The following CA14 variants were observed in gnomAD, a reference collection of about 807,000 sequenced individuals.
CA14 encodes carbonic anhydrase 14.
CA14 carries 44 observed loss-of-function variants against 48.8 expected under a neutral mutation model. That is an observed-to-expected ratio of 0.90 (90% CI 0.71 to 1.16). The LOEUF (loss-of-function observed/expected upper bound fraction) is 1.16. Ranked by LOEUF, CA14 falls within the 50% of genes most tolerant of loss-of-function variation. The probability of loss-of-function intolerance (pLI) is 0.00; values close to 1 mark genes in which losing one functional copy is unlikely to be tolerated. For missense variants in CA14, 386 were observed against 401.0 expected (o/e 0.96, Z 0.32); for synonymous variants, 154 against 155.0 (o/e 0.99, Z 0.05).
Position 150,262,851 on chromosome 1 carries a change from G to C in CA14, c.543G>C (p.Leu181Phe). ...CTTATGAACACATTCTGAGTCACTTGCATGAAGTCAGGCATAAAGGTGAGC... is the reference window on the plus strand; with the variant it reads ...CTTATGAACACATTCTGAGTCACTTCCATGAAGTCAGGCATAAAGGTGAGC... ...NIAYEHILSH[L>F]HEVRHKDQKT... The change falls in exon 6 of 11, where the codon TTG becomes TTC. Residue 181 changes from leucine (L) to phenylalanine (F), a missense_variant. By Grantham distance (22) the Leu-to-Phe change is conservative. Transcript: ENST00000369111. 1 of 1,613,026 alleles carries C rather than the reference G, an allele frequency of 6.2e-7. No homozygotes were observed. The highest frequency in any genetic ancestry group is 8.5e-7 in the Non-Finnish European group (1 of 1,179,004).
In CA14 at chr1:150,264,696, C is replaced by G. The variant is rs1553849072; in HGVS notation, c.*37C>G. 1 of 1,564,550 alleles carries G rather than the reference C, an allele frequency of 6.4e-7. No individual in the cohort carries two copies. Among genetic ancestry groups the G allele is most frequent in the African/African-American group, 1.4e-5 (1 of 73,750 alleles). On this transcript the variant is annotated 3_prime_UTR_variant, in exon 11 of 11. Transcript: ENST00000369111. Reference sequence around the variant, plus strand: ...GATACCATGGATGTGGATGACTTCCCTTCATGCCTATCAGGAAGCCTCTAA... The same window carrying G: ...GATACCATGGATGTGGATGACTTCCGTTCATGCCTATCAGGAAGCCTCTAA...
At position 150,260,754 on chromosome 1, in the gene CA14, AT is replaced by A. The variant is rs1650954664; in HGVS notation, c.76+606del. The A allele has an allele frequency of 2.8e-4, 38 of 136,340 alleles. 2 individuals carry two copies. The highest frequency in any genetic ancestry group is 8.4e-4 in the South Asian group (4 of 4,742). 8.4% of individuals were successfully genotyped at this position (136,340 alleles called of 1,614,324 possible). ...CCAGGAGACCGTATCTCTCTAGGTT[AT>A]TTTTTTTTTTTTTTTTTTTTTTGAC... On this transcript the variant is annotated intron_variant, in intron 2 of 10. Transcript: ENST00000369111.
rs375722927 is a variant in CA14 at position 150,263,076 on chromosome 1, A to T, written c.597A>T (p.Arg199Ser). Reference protein sequence around the residue: ...QKTSVPPFNLRELLPKQLGQY... With the variant: ...QKTSVPPFNLSELLPKQLGQY... Reference sequence around the variant, plus strand: ...CCTCAGTGCCTCCCTTCAACCTAAGAGAGCTGCTCCCCAAACAGCTGGGGC... The same window carrying T: ...CCTCAGTGCCTCCCTTCAACCTAAGTGAGCTGCTCCCCAAACAGCTGGGGC... Residue 199 changes from arginine to serine, a missense_variant, in exon 7 of 11, where the codon AGA (arginine) becomes AGT (serine). Physicochemically the swap from Arg to Ser is moderately radical, Grantham distance 110. Coordinates refer to ENST00000369111, the MANE Select transcript of CA14 (RefSeq NM_012113.3). 1.9e-6 allele frequency: 3 copies of T among 1,614,050 alleles called. No homozygotes were observed. In the African/African-American group the frequency reaches 4.0e-5, roughly 22 times the overall value.
intron 4 of CA14, 27 bp downstream of exon 4, chr1:150,262,327 C>A: frequency 6.3e-7 from 1 of 1,578,368 alleles, no homozygotes. Flanking sequence ...AGCTGGGACT[C>A]AGACAAAGTA....
At chr1:150,258,861 A>G (rs1440072916) in intron 1 of CA14, among the ~76,000 whole-genome samples, 14 of 152,234 alleles carry the variant, frequency 9.2e-5, no homozygotes, top group Non-Finnish European at 1.0e-4. Flanking sequence ...TGCCTAGCAC[A>G]GTGTCCAGCA....
In CA14 at chr1:150,261,572, C is replaced by T. The variant is rs1553847827; in HGVS notation, c.190C>T (p.Leu64=). 1 of 1,614,162 alleles carries T rather than the reference C, an allele frequency of 6.2e-7. No homozygotes were observed. Among genetic ancestry groups the T allele is most frequent in the Non-Finnish European group, 8.5e-7 (1 of 1,180,026 alleles). ...SVTFDPDLPA[L]QPHGYDQPGT... is the part of the protein sequence containing the mutation. The stretch of plus-strand genomic sequence containing the variant: ...GACATTTGACCCTGATTTGCCTGCT[C>T]TGCAGCCCCACGGATATGACCAGCC... The change falls in exon 3 of 11, where the codon CTG becomes TTG. Residue 64 remains leucine (L), a synonymous_variant. Transcript: ENST00000369111.
chr1:150,261,198 T>C, intron 2 of CA14: 1 of 496,074 alleles, frequency 2.0e-6, no homozygotes, highest in South Asian at 3.0e-5. Flanking sequence ...GTAAAAGAGC[T>C]ACCACTCCCC....
chr1:150,264,505 C>G (rs1553848934), intron 10 of CA14, 88 bp from the exon 11 acceptor site: 126 of 805,614 alleles, frequency 1.6e-4, no homozygotes, highest in Non-Finnish European at 2.5e-5. Context: ...GCCCAGCCCT[C>G]TTTTCTGTTA....
chr1:150,261,188 G>T, intron 2 of CA14: 1 of 469,982 alleles, frequency 2.1e-6, no homozygotes, highest in Non-Finnish European at 3.8e-6. Context: ...ATACAGGTAA[G>T]TAAAAGAGCT....
chr1:150,259,663 G>A (rs1650828235), intron 1 of CA14, among the ~76,000 whole-genome samples: 1 of 152,050 alleles, frequency 6.6e-6, no homozygotes, highest in Admixed American at 6.6e-5. Flanking sequence ...ATTTTTTAAA[G>A]CAAAGGAATA....
intron 2 of CA14, 141 bp downstream of exon 2, chr1:150,260,312 G>C (rs1650903261): frequency 3.8e-6 from 3 of 797,282 alleles, no homozygotes; most frequent in Non-Finnish European, 4.4e-6. Flanking sequence ...CTCCTGCCTT[G>C]AGTTTCACAT....
rs770020048 is a variant in CA14, at chr1:150,263,749, CTA to C, written c.863-43_863-42del. The C allele has an allele frequency of 1.2e-5, 19 of 1,611,448 alleles. No individual in the cohort carries two copies. In the East Asian group the frequency reaches 2.5e-4, roughly 21 times the overall value. On this transcript the variant is annotated intron_variant, in intron 9 of 10. Coordinates refer to ENST00000369111, the MANE Select transcript of CA14 (RefSeq NM_012113.3). The stretch of plus-strand genomic sequence containing the variant: ...ACCGAGTGGGGGAAAGGCTCAAAAT[CTA>C]TGTTAGTCCTAGGCTGACACCTTTT...
chr1:150,262,348 G>A (rs1651113315), intron 4 of CA14, 48 bp downstream of exon 4: 1 of 1,566,880 alleles, frequency 6.4e-7, no homozygotes, highest in East Asian at 2.2e-5. Context: ...ACAGGGATGG[G>A]TGGTCCTGGG....
rs946198819 is a variant in CA14, at chr1:150,257,847, G to A, written c.-282G>A. The A allele has an allele frequency of 3.0e-5, 7 of 236,870 alleles. No homozygotes were observed. The highest frequency in any genetic ancestry group is 6.8e-5 in the African/African-American group (3 of 44,368). The allele number at this position is 236,870 out of a possible 1,614,324, so 14.7% of individuals were successfully genotyped here. A position where few individuals can be genotyped will look rare whatever the true frequency, so the allele number is the denominator to read the frequency against. ...GAGGCAGTTGTAAAGTCGCTGGCCA[G>A]CTAGTGGAGTGGAGACTGCAGAGGG... is the stretch of plus-strand genomic sequence containing the variant. On this transcript the variant is annotated 5_prime_UTR_variant, in exon 1 of 11. Transcript: ENST00000369111.
chr1:150,262,708 C>T, intron 5 of CA14, 88 bp downstream of exon 5: 1 of 1,365,492 alleles, frequency 7.3e-7, no homozygotes, highest in Non-Finnish European at 1.0e-6. Flanking sequence ...CTTCCTATGG[C>T]AGGCAGCAGC....
intron 5 of CA14, 41 bp downstream of exon 5, chr1:150,262,661 C>A: frequency 6.7e-7 from 1 of 1,495,244 alleles, no homozygotes; most frequent in South Asian, 1.1e-5. Flanking sequence ...TCTCCACTTC[C>A]TCTGCAACCC....
chr1:150,260,072 G>T (rs1425199595), intron 1 of CA14, 79 bp from the exon 2 acceptor site: 1 of 1,378,066 alleles, frequency 7.3e-7, no homozygotes, highest in African/African-American at 1.4e-5. Flanking sequence ...AGTACAGAAT[G>T]CCAGAGGGAG....
At chr1:150,262,713 A>G in intron 5 of CA14, 91 bp from the exon 6 acceptor site, 1 of 1,374,490 alleles carries the variant, frequency 7.3e-7, no homozygotes, top group African/African-American at 1.4e-5. Flanking sequence ...TATGGCAGGC[A>G]GCAGCCCACC....
intron 1 of CA14, among the ~76,000 whole-genome samples, chr1:150,258,782 TG>T (rs1650757770): frequency 6.6e-6 from 1 of 152,222 alleles, no homozygotes; most frequent in Non-Finnish European, 1.5e-5. Flanking sequence ...GAGGGATTCT[TG>T]GGAGAACAGG....
Sources: allele counts gnomAD v4.1 joint callset (sites outside exome capture counted in the v4.1 genomes callset), GRCh38; gene constraint gnomAD v4.1.1; transcripts MANE v1.5; gene names NCBI Gene and HGNC (gene_info 2026-07-23, HGNC 2026-07-21).